Variants in ARIH2 observed in about 807,000 individuals in gnomAD.
ARIH2 encodes the protein ariadne RBR E3 ubiquitin protein ligase 2.
ARIH2 carries 12 observed loss-of-function variants against 79.8 expected under a neutral mutation model. That is an observed-to-expected ratio of 0.15 (90% CI 0.10 to 0.24). The LOEUF is 0.24. ARIH2 is among the 10% of genes least tolerant of loss of function. ARIH2 has a pLI of 1.00. For missense variants in ARIH2, 301 were observed against 618.3 expected, an observed-to-expected ratio of 0.49 and a Z score of 5.44; for synonymous variants, 224 against 213.9, an observed-to-expected ratio of 1.05 and a Z score of -0.41.
At chr3:48,950,237 A>G (rs2089776594) in intron 3 of ARIH2, among the ~76,000 whole-genome samples, 1 of 152,152 alleles carries the variant, frequency 6.6e-6, no homozygotes, top group African/African-American at 2.4e-5. Flanking sequence ...AAAATTTACC[A>G]TACATGTATG....
chr3:48,967,352 A>T, intron 6 of ARIH2, 77 bp downstream of exon 6: 4 of 1,460,410 alleles, frequency 2.7e-6, no homozygotes, highest in Non-Finnish European at 3.7e-6. Flanking sequence ...GTACTCAAGT[A>T]AACTGAGTAT....
rs1488591474 is a variant in ARIH2, at chr3:48,979,519, T to C, written c.999T>C (p.His333=). Residue 333 remains histidine (H), a synonymous_variant, in exon 12 of 16, where the codon CAT becomes CAC. Transcript: ENST00000356401. ...TGTGTCTAGGAGATTGGAAGACTCA[T>C]GGCAGTGAATACTATGAGTGCAGTC... The part of the protein sequence containing the change: ...CWMCLGDWKT[H]GSEYYECSRY... The C allele has an allele frequency of 1.2e-6, 2 of 1,614,134 alleles. No individual in the cohort carries two copies. The highest frequency in any genetic ancestry group is 1.7e-6 in the Non-Finnish European group (2 of 1,180,054).
chr3:48,922,564 C>T (rs2084965255), intron 1 of ARIH2, 184 bp from the exon 2 acceptor site: 1 of 152,038 alleles, frequency 6.6e-6, no homozygotes, highest in Non-Finnish European at 1.5e-5. Flanking sequence ...GGTCATGTAA[C>T]TCTTGTCAAT....
chr3:48,947,231 G>A (rs566637797), intron 3 of ARIH2, among the ~76,000 whole-genome samples: 2 of 152,230 alleles, frequency 1.3e-5, no homozygotes, highest in Non-Finnish European at 2.9e-5. Flanking sequence ...ACCTGAGGTC[G>A]GGAGTTTGAG....
chr3:48,974,246 C>T (rs2092392673), intron 9 of ARIH2, among the ~76,000 whole-genome samples: 1 of 152,156 alleles, frequency 6.6e-6, no homozygotes, highest in Non-Finnish European at 1.5e-5. Context: ...GCCACTGTAC[C>T]CTTTGTCAGT....
Position 48,918,901 on chromosome 3 carries a change from C to G in ARIH2, c.-259C>G, listed in dbSNP as rs1448229013. Reference sequence around the variant, plus strand: ...CGCGGGCTTGACCGGCGTCGGCCCGCCGCCTCCGCTGCCGCTTCGCCCCAA... The same window carrying G: ...CGCGGGCTTGACCGGCGTCGGCCCGGCGCCTCCGCTGCCGCTTCGCCCCAA... On this transcript the variant is annotated 5_prime_UTR_variant, in exon 1 of 16. Transcript: ENST00000356401. The G allele has an allele frequency of 6.2e-7, 1 of 1,602,638 alleles. No homozygotes were observed. The highest frequency in any genetic ancestry group is 8.5e-7 in the Non-Finnish European group (1 of 1,177,506).
Position 48,974,809 on chromosome 3 carries a change from C to G in ARIH2, c.889-8C>G, listed in dbSNP as rs199513976. On this transcript the variant is annotated splice_polypyrimidine_tract_variant and splice_region_variant and intron_variant, in intron 9 of 15. Coordinates refer to ENST00000356401, the MANE Select transcript of ARIH2 (RefSeq NM_006321.4). Reference sequence around the variant, plus strand: ...TGTGAGCCTAATGGCACCCTTCTGTCTCCTCAGTGTCCCAAGTGCAACATC... The same window carrying G: ...TGTGAGCCTAATGGCACCCTTCTGTGTCCTCAGTGTCCCAAGTGCAACATC... 1 of 1,612,842 alleles carries G rather than the reference C, an allele frequency of 6.2e-7. No individual in the cohort carries two copies. The highest frequency in any genetic ancestry group is 8.5e-7 in the Non-Finnish European group (1 of 1,179,976).
At chr3:48,949,013 C>T (rs1177873490) in intron 3 of ARIH2, 2 of 455,648 alleles carry the variant, frequency 4.4e-6, no homozygotes, top group African/African-American at 2.0e-5. Flanking sequence ...GCTGCTGTGA[C>T]CATTCATGGC....
chr3:48,940,575 A>G (rs1470386049), intron 3 of ARIH2, among the ~76,000 whole-genome samples: 2 of 151,610 alleles, frequency 1.3e-5, no homozygotes, highest in Non-Finnish European at 2.9e-5. Flanking sequence ...TTTCATGGAC[A>G]TTTATTAGTT....
chr3:48,919,305 G>C, intron 1 of ARIH2: 1 of 934,794 alleles, frequency 1.1e-6, no homozygotes, highest in Non-Finnish European at 1.4e-6. Flanking sequence ...GGGGAAACGC[G>C]CCGCCTCGGG....
At chr3:48,939,757 C>CAAAAAAAAAA (rs1190260583) in intron 3 of ARIH2, among the ~76,000 whole-genome samples, 2 of 43,530 alleles carry the variant, frequency 4.6e-5, no homozygotes, top group Admixed American at 2.8e-4. Context: ...GACTCCATCT[C>CAAAAAAAAAA]AAAAAAAAAA....
chr3:48,967,034 A>C, intron 5 of ARIH2, 91 bp from the exon 6 acceptor site: 1 of 1,373,094 alleles, frequency 7.3e-7, no homozygotes, highest in African/African-American at 1.4e-5. Flanking sequence ...CAGGGTGAGG[A>C]TCACTTTCCA....
intron 3 of ARIH2, among the ~76,000 whole-genome samples, chr3:48,932,199 G>C (rs1463779684): frequency 1.3e-5 from 2 of 152,138 alleles, no homozygotes; most frequent in Non-Finnish European, 2.9e-5. Flanking sequence ...ATGCTTATCT[G>C]TTAGTGTGGT....
chr3:48,943,844 G>T (rs1385275115), intron 3 of ARIH2, among the ~76,000 whole-genome samples: 1 of 152,082 alleles, frequency 6.6e-6, no homozygotes. Context: ...TACCTAGCTG[G>T]TTATTTGGCA....
intron 7 of ARIH2, among the ~76,000 whole-genome samples, 156 bp from the exon 8 acceptor site, chr3:48,970,439 C>A (rs1287747416): frequency 6.6e-6 from 1 of 152,230 alleles, no homozygotes; most frequent in Non-Finnish European, 1.5e-5. Flanking sequence ...TAATATCTGG[C>A]TTACGTTTGG....
chr3:48,969,202 T>C lies in ARIH2; in HGVS notation c.660+547T>C, dbSNP rs570734570. On this transcript the variant is annotated intron_variant, in intron 7 of 15. Transcript: ENST00000356401. ...TCTTTTTTTTTTTTTTTTTAACCTCTGAGTCTTGATTTTCTCTTCCATAGA... is the reference window on the plus strand; with the variant it reads ...TCTTTTTTTTTTTTTTTTTAACCTCCGAGTCTTGATTTTCTCTTCCATAGA... Among the ~76,000 whole-genome samples the C allele has an allele frequency of 2.8e-3, 425 of 151,178 alleles. 3 individuals carry two copies. The highest frequency in any genetic ancestry group is 9.8e-3 in the African/African-American group (403 of 41,196).
At chr3:48,972,854 A>G (rs965828053) in intron 8 of ARIH2, among the ~76,000 whole-genome samples, 3 of 152,154 alleles carry the variant, frequency 2.0e-5, no homozygotes, top group African/African-American at 7.2e-5. Context: ...AGCTGGGACT[A>G]CAGACACATA....
intron 3 of ARIH2, among the ~76,000 whole-genome samples, chr3:48,931,312 G>A (rs931610627): frequency 3.3e-5 from 5 of 152,054 alleles, no homozygotes; most frequent in South Asian, 4.2e-4. Context: ...ATGGGAGGCC[G>A]AGGCGGGTGG....
rs1473947229 is a variant in ARIH2 at position 48,982,986 on chromosome 3, G to T, written c.1410+7G>T. The T allele has an allele frequency of 1.2e-6, 2 of 1,612,488 alleles. No homozygotes were observed. The highest frequency in any genetic ancestry group is 1.7e-6 in the Non-Finnish European group (2 of 1,178,470). On this transcript the variant is annotated splice_region_variant and intron_variant, in intron 15 of 15. Coordinates refer to ENST00000356401, the MANE Select transcript of ARIH2 (RefSeq NM_006321.4). The stretch of plus-strand genomic sequence containing the variant: ...AGACAGCTATGACAGAGGGGTAAGT[G>T]CCTACTGTCCTCTTGGATTCTATAT...
Sources: gnomAD v4.1 joint callset for allele counts (sites outside exome capture counted in the v4.1 genomes callset) on GRCh38, gnomAD v4.1.1 for gene constraint, MANE v1.5 for transcripts, NCBI Gene and HGNC (gene_info 2026-07-23, HGNC 2026-07-21) for gene names.